Variants in KHDRBS2 observed in about 807,000 individuals in gnomAD.
KHDRBS2 encodes the protein KH RNA binding domain containing, signal transduction associated 2.
Under a neutral mutation model 44.3 loss-of-function variants are expected in KHDRBS2, and 26 were observed. The ratio of observed to expected loss-of-function variants is 0.59; its 90% CI spans 0.43 to 0.81. The LOEUF is 0.81. Among genes scored for constraint, KHDRBS2 ranks in the 40% least tolerant of loss-of-function variants. The pLI is 0.00. For synonymous variants in KHDRBS2, 194 were observed against 151.1 expected (o/e 1.28, Z -2.08); for missense variants, 476 against 433.1 (o/e 1.10, Z -0.88).
At chr6:61,686,168 G>C (rs899056382) in intron 8 of KHDRBS2, among the ~76,000 whole-genome samples, 8 of 151,690 alleles carry the variant, frequency 5.3e-5, no homozygotes, top group Non-Finnish European at 8.8e-5. Flanking sequence ...AATCTAAAAA[G>C]AAGCTTGTTA....
intron 2 of KHDRBS2, among the ~76,000 whole-genome samples, chr6:62,059,717 T>A (rs1791272868): frequency 6.6e-6 from 1 of 151,734 alleles, no homozygotes; most frequent in African/African-American, 2.4e-5. Context: ...AAATCTAAGA[T>A]GAAAATATAT....
intron 1 of KHDRBS2, among the ~76,000 whole-genome samples, chr6:62,227,978 AT>A (rs1488267163): frequency 6.6e-6 from 1 of 152,044 alleles, no homozygotes; most frequent in Non-Finnish European, 1.5e-5. Context: ...TTGGCCTGAA[AT>A]TTTTTGTTGT....
At chr6:61,544,551 T>C in the KHDRBS2 span, among the ~76,000 whole-genome samples, 1 of 152,226 alleles carries the variant, frequency 6.6e-6, no homozygotes, top group South Asian at 2.1e-4. Flanking sequence ...TAGGTTTAAC[T>C]GGGGAAAGTG....
intron 6 of KHDRBS2, among the ~76,000 whole-genome samples, chr6:61,777,587 A>C (rs1202174762): frequency 6.6e-6 from 1 of 152,170 alleles, no homozygotes; most frequent in African/African-American, 2.4e-5. Context: ...TAGAATTTTC[A>C]AGTGACACAA....
At chr6:61,616,423 G>A in the KHDRBS2 span, among the ~76,000 whole-genome samples, 2 of 150,180 alleles carry the variant, frequency 1.3e-5, no homozygotes, top group Admixed American at 6.7e-5. Flanking sequence ...ATGCTAAGAT[G>A]CTAAGAATGT....
chr6:62,102,298 G>T (rs1445264010), intron 2 of KHDRBS2, among the ~76,000 whole-genome samples: 1 of 152,176 alleles, frequency 6.6e-6, no homozygotes, highest in African/African-American at 2.4e-5. Flanking sequence ...ACCCAAGACT[G>T]GGTAATTTAT....
chr6:61,587,606 A>T, the KHDRBS2 span, among the ~76,000 whole-genome samples: 1 of 152,156 alleles, frequency 6.6e-6, no homozygotes, highest in Non-Finnish European at 1.5e-5. Context: ...AGTCTAATAC[A>T]ATACTAGCAC....
At chr6:61,563,835 C>T in the KHDRBS2 span, among the ~76,000 whole-genome samples, 1 of 152,076 alleles carries the variant, frequency 6.6e-6, no homozygotes, top group Non-Finnish European at 1.5e-5. Context: ...CAAAAAAGCT[C>T]ACTGCAGTGT....
chr6:61,685,047 A>C lies in KHDRBS2; in HGVS notation c.953-3987T>G, dbSNP rs369344571. ...CCATAAAAGACACAGGAAAAAATGA[A>C]CCTGAAATTTCATAGGTTATGACAC... On this transcript the variant is annotated intron_variant, in intron 8 of 8. Coordinates refer to ENST00000281156, the MANE Select transcript of KHDRBS2 (RefSeq NM_152688.4). 2.3e-3 allele frequency among the ~76,000 whole-genome samples: 346 copies of C among 151,892 alleles called. 2 individuals carry two copies. Among genetic ancestry groups the C allele is most frequent in the African/African-American group, 8.1e-3 (337 of 41,518 alleles).
At chr6:62,169,111 ATATGTG>A (rs1384685274) in intron 2 of KHDRBS2, among the ~76,000 whole-genome samples, 2 of 142,448 alleles carry the variant, frequency 1.4e-5, no homozygotes, top group Admixed American at 7.0e-5. Flanking sequence ...ATATACACAT[ATATGTG>A]TGTATATATA....
chr6:62,248,200 A>G (rs1304582053), intron 1 of KHDRBS2, among the ~76,000 whole-genome samples: 1 of 151,958 alleles, frequency 6.6e-6, no homozygotes, highest in Admixed American at 6.6e-5. Context: ...TTCCAAAAAT[A>G]AAAATAAAAG....
intron 2 of KHDRBS2, among the ~76,000 whole-genome samples, chr6:62,072,836 C>T (rs2127347021): frequency 6.6e-6 from 1 of 152,198 alleles, no homozygotes; most frequent in East Asian, 1.9e-4. Context: ...GCTTTGGTAT[C>T]AGGATGATGC....
the KHDRBS2 span, among the ~76,000 whole-genome samples, chr6:61,604,429 T>G: frequency 6.6e-6 from 1 of 152,188 alleles, no homozygotes; most frequent in Non-Finnish European, 1.5e-5. Context: ...CCACTGAAAC[T>G]TCCACCTATC....
At chr6:62,085,583 G>T (rs147197365) in intron 2 of KHDRBS2, among the ~76,000 whole-genome samples, 1 of 152,044 alleles carries the variant, frequency 6.6e-6, no homozygotes, top group East Asian at 1.9e-4. Context: ...TATAAATGAC[G>T]TGTTATATTA....
the KHDRBS2 span, among the ~76,000 whole-genome samples, chr6:61,639,190 A>G: frequency 1.3e-5 from 2 of 152,068 alleles, no homozygotes; most frequent in South Asian, 4.1e-4. Context: ...AGTCTCCCAT[A>G]TATGGAAAAA....
Position 61,680,994 on chromosome 6 carries a change from C to T in KHDRBS2, c.1019G>A (p.Gly340Glu), listed in dbSNP as rs867233645. ...TCTACCATAGGGGTGTTCCCTGTATCCCCCTCTGGCTGACCTTTGCGGTGG... is the reference window on the plus strand; with the variant it reads ...TCTACCATAGGGGTGTTCCCTGTATTCCCCTCTGGCTGACCTTTGCGGTGG... ...KAPPQRSARG[G>E]YREHPYGRY The change falls in exon 9 of 9, where the codon GGA becomes GAA. Residue 340 changes from glycine to glutamate, a missense_variant. Coordinates refer to ENST00000281156, the MANE Select transcript of KHDRBS2 (RefSeq NM_152688.4). 1.9e-6 allele frequency: 3 copies of T among 1,611,098 alleles called. No homozygotes were observed. Among genetic ancestry groups the T allele is most frequent in the Admixed American group, 1.7e-5 (1 of 59,742 alleles).
At chr6:62,004,419 C>T (rs1778846153) in intron 3 of KHDRBS2, among the ~76,000 whole-genome samples, 1 of 152,254 alleles carries the variant, frequency 6.6e-6, no homozygotes, top group African/African-American at 2.4e-5. Flanking sequence ...TGGATAAATT[C>T]CTGGAGACAT....
chr6:62,224,382 G>C (rs1307104028), intron 1 of KHDRBS2, among the ~76,000 whole-genome samples: 2 of 152,080 alleles, frequency 1.3e-5, no homozygotes, highest in African/African-American at 2.4e-5. Context: ...GATTTGGGTG[G>C]GGACACAGCC....
At chr6:61,745,479 T>TAGCATTA (rs1365005251) in intron 6 of KHDRBS2, among the ~76,000 whole-genome samples, 1 of 152,152 alleles carries the variant, frequency 6.6e-6, no homozygotes, top group Non-Finnish European at 1.5e-5. Context: ...ATGCTTTATG[T>TAGCATTA]ACTTCATATT....
Sources: gnomAD v4.1 joint callset for allele counts (sites outside exome capture counted in the v4.1 genomes callset) on GRCh38, gnomAD v4.1.1 for gene constraint, MANE v1.5 for transcripts, NCBI Gene and HGNC (gene_info 2026-07-23, HGNC 2026-07-21) for gene names.